The following ZNF454 variants were observed in gnomAD, a reference collection of about 807,000 sequenced individuals.
ZNF454 encodes the protein zinc finger protein 454.
Under a neutral mutation model 48.2 loss-of-function variants are expected in ZNF454, and 30 were observed. The ratio of observed to expected loss-of-function variants is 0.62; its 90% CI spans 0.47 to 0.84. The LOEUF (loss-of-function observed/expected upper bound fraction) is 0.84. Ranked by LOEUF, ZNF454 falls within the 40% of genes least tolerant of loss-of-function variation. The pLI, the probability that ZNF454 is intolerant of heterozygous loss-of-function variation, is 0.00. For synonymous variants in ZNF454, 204 were observed against 211.4 expected (o/e 0.97, Z 0.30); for missense variants, 510 against 623.1 (o/e 0.82, Z 1.93).
chr5:178,975,082 C>T, the ZNF454 span, among the ~76,000 whole-genome samples: 4 of 152,276 alleles, frequency 2.6e-5, no homozygotes, highest in East Asian at 7.7e-4. Flanking sequence ...CCATGGCAGG[C>T]CGATCACCTG....
the ZNF454 span, chr5:178,985,665 T>G: frequency 7.7e-6 from 3 of 391,978 alleles, no homozygotes; most frequent in South Asian, 1.9e-5. Flanking sequence ...ATAGTGCCAC[T>G]GCACTCCAGC....
rs1760097512 is a variant in ZNF454, at chr5:178,964,926, C to G, written c.522C>G (p.Ser174Arg). Reference sequence around the variant, plus strand: ...ATCAAAGTCAGGGATTTCAACCTAGCAAAAATGCCTTTGAGTGTAGTGAGT... The same window carrying G: ...ATCAAAGTCAGGGATTTCAACCTAGGAAAAATGCCTTTGAGTGTAGTGAGT... ...HSDQSQGFQP[S>R]KNAFECSECG... Residue 174 changes from serine (S) to arginine (R), a missense_variant, in exon 5 of 5, where the codon AGC becomes AGG. Around this residue, in one of 3 missense-constraint regions of ZNF454, gnomAD observed 354 missense variants for 408.9 expected, o/e 0.87. Coordinates refer to ENST00000519564, the MANE Select transcript of ZNF454 (RefSeq NM_001178089.3). 1 of 1,613,978 alleles carries G rather than the reference C, an allele frequency of 6.2e-7. No homozygotes were observed. The highest frequency in any genetic ancestry group is 1.3e-5 in the African/African-American group (1 of 74,900).
chr5:178,956,718 T>C (rs1305623119), intron 4 of ZNF454, among the ~76,000 whole-genome samples: 1 of 148,170 alleles, frequency 6.7e-6, no homozygotes, highest in African/African-American at 2.5e-5. Context: ...TTTATTTATT[T>C]ATTTTGAGAC....
At chr5:178,985,404 TAAAA>T in the ZNF454 span, 13 of 317,026 alleles carry the variant, frequency 4.1e-5, no homozygotes, top group Admixed American at 1.8e-4. Flanking sequence ...CCTGTGGCCT[TAAAA>T]AAAAAAAAAA....
intron 4 of ZNF454, among the ~76,000 whole-genome samples, chr5:178,949,457 T>C (rs1759471786): frequency 6.6e-6 from 1 of 152,114 alleles, no homozygotes; most frequent in Non-Finnish European, 1.5e-5. Context: ...TCTATTTTGT[T>C]TTTTGTCCAC....
the ZNF454 span, among the ~76,000 whole-genome samples, chr5:178,973,466 C>T: frequency 6.6e-6 from 1 of 152,112 alleles, no homozygotes; most frequent in African/African-American, 2.4e-5. Context: ...ACCTGAAGTT[C>T]AATTGCTAAT....
intron 4 of ZNF454, 147 bp from the exon 5 acceptor site, chr5:178,964,508 C>A: frequency 1.4e-6 from 1 of 699,276 alleles, no homozygotes; most frequent in South Asian, 1.8e-5. Flanking sequence ...TCTGTTCACC[C>A]CTCTTTTCTG....
chr5:178,945,896 A>G (rs781378780), intron 2 of ZNF454, among the ~76,000 whole-genome samples: 4 of 152,042 alleles, frequency 2.6e-5, no homozygotes, highest in Non-Finnish European at 4.4e-5. Flanking sequence ...AGGTAAACCA[A>G]ACATCACAAT....
chr5:178,949,000 A>C (rs1030964468), intron 4 of ZNF454, among the ~76,000 whole-genome samples: 7 of 150,740 alleles, frequency 4.6e-5, no homozygotes, highest in African/African-American at 1.7e-4. Flanking sequence ...GCTCCTAAAT[A>C]GCTGAGACTA....
the ZNF454 span, chr5:178,986,475 G>A: frequency 7.0e-4 from 1,125 of 1,612,030 alleles, 7 homozygotes; most frequent in African/African-American, 9.7e-3. Flanking sequence ...TGCCCAGCAC[G>A]GCCAGGAGGA....
At chr5:178,983,110 T>C in the ZNF454 span, 1 of 1,614,032 alleles carries the variant, frequency 6.2e-7, no homozygotes. Context: ...AGATCCGACA[T>C]GTCGCACTTG....
chr5:178,989,218 C>A, the ZNF454 span: 2 of 1,013,744 alleles, frequency 2.0e-6, no homozygotes, highest in Non-Finnish European at 3.0e-6. Context: ...CCCACCCTCA[C>A]CACCCTCCCC....
At position 178,941,220 on chromosome 5, in the gene ZNF454, C is replaced by T. The variant is rs1204574375; in HGVS notation, c.-332C>T. ...TTCGGCTCCCGGCTGCAGACTCCAG[C>T]TCATTGTGTTCTGACTGCGATGTGG... On this transcript the variant is annotated 5_prime_UTR_variant, in exon 1 of 5. Transcript: ENST00000519564. This position sits in a 1 kb window ranked among gnomAD's most constrained non-coding sequence, Gnocchi z 5.5. 3 of 373,744 alleles carry T rather than the reference C, an allele frequency of 8.0e-6. No homozygotes were observed. Among genetic ancestry groups the T allele is most frequent in the African/African-American group, 4.2e-5 (2 of 47,466 alleles). The allele number at this position is 373,744 out of a possible 1,614,324, so 23.2% of individuals were successfully genotyped here.
intron 4 of ZNF454, among the ~76,000 whole-genome samples, chr5:178,956,675 AT>A (rs1554110651): frequency 1.5e-5 from 1 of 68,424 alleles, no homozygotes; most frequent in African/African-American, 7.6e-5. Context: ...ATTTTATTTA[AT>A]TTATTTATTT....
At chr5:178,968,105 TCACACACACACACA>T (rs3031585), downstream of ZNF454, among the ~76,000 whole-genome samples, 10 of 145,000 alleles carry the variant, frequency 6.9e-5, no homozygotes, top group East Asian at 2.1e-4. Flanking sequence ...CATCTGTGCA[TCACACACACACACA>T]CACACACACA....
At chr5:178,988,171 G>A in the ZNF454 span, among the ~76,000 whole-genome samples, 1 of 152,138 alleles carries the variant, frequency 6.6e-6, no homozygotes, top group Non-Finnish European at 1.5e-5. The surrounding 1 kb of genome is among the most constrained non-coding windows in gnomAD (Gnocchi z 6.0). Context: ...CACTGTCCAG[G>A]CGAGAGGATG....
chr5:178,965,109 A>G lies in ZNF454; in HGVS notation c.705A>G (p.Gln235=). Residue 235 remains glutamine (Q), a synonymous_variant, in exon 5 of 5, where the codon CAA becomes CAG. Coordinates refer to ENST00000519564, the MANE Select transcript of ZNF454 (RefSeq NM_001178089.3). This position sits in a 1 kb window ranked among gnomAD's most constrained non-coding sequence, Gnocchi z 5.2. ...AGAGTACGCACCTTATCCATCACCA[A>G]AGAATTCACACTGGCGAGAAACCCT... is the stretch of plus-strand genomic sequence containing the variant. The part of the protein sequence containing the change: ...FHQSTHLIHH[Q]RIHTGEKPYE... 1 of 1,614,136 alleles carries G rather than the reference A, an allele frequency of 6.2e-7. No homozygotes were observed. Among genetic ancestry groups the G allele is most frequent in the Non-Finnish European group, 8.5e-7 (1 of 1,180,028 alleles).
chr5:178,985,472 G>A, the ZNF454 span, among the ~76,000 whole-genome samples: 1 of 151,708 alleles, frequency 6.6e-6, no homozygotes, highest in Admixed American at 6.6e-5. Context: ...GGGAGGCCGA[G>A]GTGGGCGGAT....
At chr5:178,983,556 T>C in the ZNF454 span, 1 of 495,766 alleles carries the variant, frequency 2.0e-6, no homozygotes, top group Non-Finnish European at 3.9e-6. Context: ...CAATGCCATT[T>C]ACTGCGCCCC....
Sources: gnomAD v4.1 joint callset for allele counts (sites outside exome capture counted in the v4.1 genomes callset) on GRCh38, gnomAD v4.1.1 for gene constraint, gnomAD v4.1.1 regional missense constraint, Gnocchi (gnomAD v3.1) non-coding constraint, MANE v1.5 for transcripts, NCBI Gene and HGNC (gene_info 2026-07-23, HGNC 2026-07-21) for gene names.